Variants in PIWIL1 observed in about 807,000 individuals in gnomAD.
The protein encoded by PIWIL1 is piwi-like protein 1.
A neutral mutation model predicts 114.4 loss-of-function variants in PIWIL1; 73 were observed. The ratio of observed to expected loss-of-function variants is 0.64; its 90% confidence interval spans 0.53 to 0.78. PIWIL1 has a LOEUF of 0.78. Ranked by LOEUF, PIWIL1 falls within the 30% of genes least tolerant of loss-of-function variation. The pLI is 0.00. For missense variants in PIWIL1, 723 were observed against 1,063.1 expected, an observed-to-expected ratio of 0.68 and a Z score of 4.45; for synonymous variants, 375 against 369.0, an observed-to-expected ratio of 1.02 and a Z score of -0.19.
chr12:130,356,837 T>G, intron 12 of PIWIL1, 81 bp from the exon 13 acceptor site: 1 of 953,194 alleles, frequency 1.0e-6, no homozygotes, highest in Non-Finnish European at 1.5e-6. Context: ...AAATATGCCA[T>G]GGTAGAATTA....
downstream of PIWIL1, among the ~76,000 whole-genome samples, chr12:130,376,765 C>T (rs551426576): frequency 9.8e-5 from 15 of 152,308 alleles, no homozygotes; most frequent in Admixed American, 1.3e-4. Context: ...GCCTTTGCCC[C>T]GACTTTGGTC....
the PIWIL1 span, chr12:130,424,891 G>A: frequency 8.4e-7 from 1 of 1,192,756 alleles, no homozygotes; most frequent in East Asian, 3.2e-5. This position sits in a 1 kb window ranked among gnomAD's most constrained non-coding sequence, Gnocchi z 9.8. Flanking sequence ...ACAGGCGCGG[G>A]AAAGAGTGTG....
chr12:130,339,095 C>T (rs1002526941), intron 1 of PIWIL1, among the ~76,000 whole-genome samples: 1 of 152,096 alleles, frequency 6.6e-6, no homozygotes, highest in Non-Finnish European at 1.5e-5. Flanking sequence ...TCCGCCGCCG[C>T]TGCGCTGCGC....
chr12:130,338,208 G>T (rs377632184), intron 1 of PIWIL1, 62 bp downstream of exon 1: 1 of 325,666 alleles, frequency 3.1e-6, no homozygotes, highest in South Asian at 2.3e-5. Context: ...GGCGGCTGGG[G>T]GTCCGGGATG....
the PIWIL1 span, among the ~76,000 whole-genome samples, chr12:130,379,006 A>G: frequency 1.1e-3 from 164 of 152,262 alleles, no homozygotes; most frequent in Middle Eastern, 3.4e-3. Context: ...AACACTTCCT[A>G]CTCTTCGATG....
At position 130,342,180 on chromosome 12, in the gene PIWIL1, G is replaced by GTCTGTGTGTGTGTC. The variant is rs550134701; in HGVS notation, c.-12-399_-12-398insCTGTGTGTGTGTCT. The stretch of plus-strand genomic sequence containing the variant: ...CGTGTGTGTGTGTGTGTGTGTGTGT[G>GTCTGTGTGTGTGTC]TGTGTGTGTGTCTGTGTATGGGAGT... On this transcript the variant is annotated intron_variant, in intron 1 of 20. Transcript: ENST00000245255. The GTCTGTGTGTGTGTC allele has an allele frequency of 8.7e-3, 1,597 of 182,808 alleles. 30 individuals are homozygous for GTCTGTGTGTGTGTC. Among genetic ancestry groups the GTCTGTGTGTGTGTC allele is most frequent in the African/African-American group, 0.03 (1,273 of 41,988 alleles). 11.3% of individuals were successfully genotyped at this position (182,808 alleles called of 1,614,324 possible). A position where few individuals can be genotyped will look rare whatever the true frequency, so the allele number is the denominator to read the frequency against.
chr12:130,351,869 C>CTGT (rs1475492783), intron 9 of PIWIL1, among the ~76,000 whole-genome samples: 1 of 152,206 alleles, frequency 6.6e-6, no homozygotes, highest in Non-Finnish European at 1.5e-5. Flanking sequence ...TCATACACAT[C>CTGT]TGTTCTTCTT....
intron 19 of PIWIL1, among the ~76,000 whole-genome samples, chr12:130,367,618 G>A (rs1421484001): frequency 6.6e-6 from 1 of 152,212 alleles, no homozygotes; most frequent in Admixed American, 6.5e-5. Context: ...AATACACTTA[G>A]TTGTCTAAAG....
At chr12:130,376,832 A>G (rs572836769), downstream of PIWIL1, among the ~76,000 whole-genome samples, 3 of 152,314 alleles carry the variant, frequency 2.0e-5, no homozygotes, top group Non-Finnish European at 2.9e-5. Flanking sequence ...CAGTCCCACT[A>G]TGGATCCCCA....
downstream of PIWIL1, among the ~76,000 whole-genome samples, chr12:130,377,007 C>T (rs770696769): frequency 5.3e-5 from 8 of 152,316 alleles, no homozygotes; most frequent in East Asian, 1.9e-4. Context: ...GCTGAAATGG[C>T]ACCAGCACAG....
the PIWIL1 span, chr12:130,424,067 A>G: frequency 3.6e-6 from 3 of 833,424 alleles, no homozygotes; most frequent in Non-Finnish European, 4.8e-6. This position sits in a 1 kb window ranked among gnomAD's most constrained non-coding sequence, Gnocchi z 9.8. Flanking sequence ...ACACCAGAAC[A>G]AACAGAAAAC....
the PIWIL1 span, among the ~76,000 whole-genome samples, chr12:130,402,680 A>C: frequency 1.3e-5 from 2 of 152,212 alleles, no homozygotes; most frequent in African/African-American, 4.8e-5. Flanking sequence ...CTGGAGGCCT[A>C]ATGTCCAGAC....
At chr12:130,367,584 C>A (rs771968762) in intron 19 of PIWIL1, among the ~76,000 whole-genome samples, 1 of 152,092 alleles carries the variant, frequency 6.6e-6, no homozygotes, top group African/African-American at 2.4e-5. Flanking sequence ...AGATTGTTTT[C>A]TAGTAAAAAG....
chr12:130,424,669 T>TGGGCTCTCTGGCCAGCCCCGTCCTGGCCC, the PIWIL1 span: 1 of 1,231,652 alleles, frequency 8.1e-7, no homozygotes, highest in Non-Finnish European at 1.0e-6. This position sits in a 1 kb window ranked among gnomAD's most constrained non-coding sequence, Gnocchi z 9.8. Flanking sequence ...CTGCCGGGCC[T>TGGGCTCTCTGGCCAGCCCCGTCCTGGCCC]GGGCTCTCTG....
In PIWIL1 at chr12:130,338,162, G is replaced by A; in HGVS notation, c.-13+16G>A. On this transcript the variant is annotated intron_variant, in intron 1 of 20. Transcript: ENST00000245255. ...GCGGTCCAAGGTGCGGGGCCAGGCT[G>A]AGGTGCTAGGTGTGCGGGGGCCGGG... The A allele has an allele frequency of 3.1e-6, 1 of 322,932 alleles. No individual in the cohort carries two copies. The highest frequency in any genetic ancestry group is 5.9e-6 in the Non-Finnish European group (1 of 168,772). 20.0% of individuals were successfully genotyped at this position (322,932 alleles called of 1,614,324 possible).
the PIWIL1 span, among the ~76,000 whole-genome samples, chr12:130,381,818 A>C: frequency 1.3e-5 from 2 of 152,070 alleles, no homozygotes; most frequent in African/African-American, 4.8e-5. Context: ...AGCGTTTGCT[A>C]TTGTCATTGT....
chr12:130,407,723 T>C, the PIWIL1 span: 1 of 1,611,768 alleles, frequency 6.2e-7, no homozygotes, highest in African/African-American at 1.3e-5. Context: ...GTTTGGCTGG[T>C]ACCTCGACAT....
the PIWIL1 span, among the ~76,000 whole-genome samples, chr12:130,394,664 AT>A: frequency 0.11 from 16,706 of 147,324 alleles, 1,048 homozygotes; most frequent in East Asian, 0.23. Context: ...GGATTTTTGC[AT>A]TTTTTTTTTT....
chr12:130,360,154 A>G (rs1357763673), intron 14 of PIWIL1, among the ~76,000 whole-genome samples: 1 of 152,178 alleles, frequency 6.6e-6, no homozygotes, highest in Non-Finnish European at 1.5e-5. Context: ...CTAAGAAATG[A>G]ATTGGCTTCT....
Sources: gnomAD v4.1 joint callset for allele counts (sites outside exome capture counted in the v4.1 genomes callset) on GRCh38, gnomAD v4.1.1 for gene constraint, Gnocchi (gnomAD v3.1) non-coding constraint, MANE v1.5 for transcripts, NCBI Gene and HGNC (gene_info 2026-07-23, HGNC 2026-07-21) for gene names.